The following ST6GAL1 variants were observed in gnomAD, a reference collection of about 807,000 sequenced individuals.
The protein encoded by ST6GAL1 is ST6 beta-galactoside alpha-2,6-sialyltransferase 1, also known as beta-galactoside alpha-2,6-sialyltransferase 1.
A neutral mutation model predicts 38.0 loss-of-function variants in ST6GAL1; 20 were observed. The ratio of observed to expected loss-of-function variants is 0.53; its 90% CI spans 0.37 to 0.77. The LOEUF (loss-of-function observed/expected upper bound fraction) is 0.77. Among genes scored for constraint, ST6GAL1 ranks in the 30% least tolerant of loss-of-function variants. The pLI is 0.00. For missense variants in ST6GAL1, 432 were observed against 496.4 expected, an observed-to-expected ratio of 0.87 and a Z score of 1.23; for synonymous variants, 196 against 188.2, an observed-to-expected ratio of 1.04 and a Z score of -0.34.
intron 2 of ST6GAL1, among the ~76,000 whole-genome samples, chr3:186,979,107 A>G (rs1240773432): frequency 6.6e-6 from 1 of 151,920 alleles, no homozygotes; most frequent in Non-Finnish European, 1.5e-5. Context: ...TTTCTGTATC[A>G]TCTGTATTTG....
chr3:186,947,268 G>A (rs967258562), intron 1 of ST6GAL1, among the ~76,000 whole-genome samples: 2 of 152,200 alleles, frequency 1.3e-5, no homozygotes, highest in African/African-American at 2.4e-5. Context: ...TTAAGGGTGA[G>A]AGATCTGTGC....
intron 1 of ST6GAL1, among the ~76,000 whole-genome samples, chr3:186,954,923 G>A (rs938684888): frequency 6.6e-6 from 1 of 152,072 alleles, no homozygotes; most frequent in Non-Finnish European, 1.5e-5. Flanking sequence ...TGTCCTGAAT[G>A]GTATTGCCTA....
Position 186,968,933 on chromosome 3 carries a change from A to AC in ST6GAL1, c.-183+5008dup, listed in dbSNP as rs199976125. On this transcript the variant is annotated intron_variant, in intron 2 of 7. Transcript: ENST00000169298. The stretch of plus-strand genomic sequence containing the variant: ...AAGCTGCCAAACTGTTGCCTAGAGC[A>AC]CGGGTACCATTTTATATCACCACCA... Among the ~76,000 whole-genome samples, 1,387 of 152,306 alleles carry AC rather than the reference A, an allele frequency of 9.1e-3. 6 individuals are homozygous for AC. The highest frequency in any genetic ancestry group is 0.013 in the Non-Finnish European group (893 of 68,030).
At chr3:187,016,725 C>G (rs977305968) in intron 2 of ST6GAL1, among the ~76,000 whole-genome samples, 1 of 152,218 alleles carries the variant, frequency 6.6e-6, no homozygotes, top group African/African-American at 2.4e-5. Flanking sequence ...GAACCAGCCC[C>G]TGCCTCCCAG....
chr3:186,933,876 C>T (rs1713847800), intron 1 of ST6GAL1, among the ~76,000 whole-genome samples: 1 of 152,198 alleles, frequency 6.6e-6, no homozygotes, highest in Non-Finnish European at 1.5e-5. Context: ...GGTTATTAAG[C>T]AAAGCCAGGG....
chr3:186,945,477 G>T (rs779505980), intron 1 of ST6GAL1, among the ~76,000 whole-genome samples: 15 of 152,114 alleles, frequency 9.9e-5, no homozygotes, highest in Non-Finnish European at 1.9e-4. Flanking sequence ...CCCACTTGAG[G>T]AAGAAAAAGA....
chr3:186,967,223 G>T (rs1457445747), intron 2 of ST6GAL1, among the ~76,000 whole-genome samples: 1 of 152,158 alleles, frequency 6.6e-6, no homozygotes, highest in Non-Finnish European at 1.5e-5. Context: ...ACGGTGTCTT[G>T]CTCTGTTGCC....
chr3:186,935,768 T>C (rs887755218), intron 1 of ST6GAL1, among the ~76,000 whole-genome samples: 1 of 152,142 alleles, frequency 6.6e-6, no homozygotes, highest in African/African-American at 2.4e-5. Flanking sequence ...GGTAAGCTCA[T>C]GTGCTCAGAT....
At chr3:186,996,385 G>A (rs1716406359) in intron 2 of ST6GAL1, among the ~76,000 whole-genome samples, 1 of 152,212 alleles carries the variant, frequency 6.6e-6, no homozygotes, top group Admixed American at 6.5e-5. Context: ...TGATGGCATA[G>A]CTTTGTGCTT....
chr3:186,968,461 A>G (rs1715227717), intron 2 of ST6GAL1, among the ~76,000 whole-genome samples: 1 of 152,146 alleles, frequency 6.6e-6, no homozygotes, highest in African/African-American at 2.4e-5. Context: ...CCCCACAATT[A>G]AGCTAATGAA....
chr3:187,050,622 AAGAG>A (rs1312707956), intron 4 of ST6GAL1, among the ~76,000 whole-genome samples: 1 of 151,670 alleles, frequency 6.6e-6, no homozygotes, highest in Non-Finnish European at 1.5e-5. Flanking sequence ...AAGGAAGGAA[AAGAG>A]AGAGAGGAAG....
At chr3:187,064,556 G>C (rs1268360935) in intron 5 of ST6GAL1, 11 of 456,598 alleles carry the variant, frequency 2.4e-5, no homozygotes, top group Non-Finnish European at 4.4e-6. Context: ...TGCGAGGAAG[G>C]TGGCCCACTT....
rs565646437 is a variant in ST6GAL1, at chr3:186,982,513, C to T, written c.-183+18587C>T. 5.3e-5 allele frequency among the ~76,000 whole-genome samples: 8 copies of T among 152,110 alleles called. No homozygotes were observed. The East Asian group carries it at 5.8e-4, about 11-fold the overall frequency. On this transcript the variant is annotated intron_variant, in intron 2 of 7. Transcript: ENST00000169298. ...CAGGAATTTGACTACTTTTGAGGAG[C>T]GATGACAACTGAGTACAGGAAGTGA...
chr3:187,042,547 A>C, intron 3 of ST6GAL1, 107 bp from the exon 4 acceptor site: 2 of 1,088,232 alleles, frequency 1.8e-6, no homozygotes, highest in Non-Finnish European at 2.6e-6. Context: ...CAGGGCTGGA[A>C]TTCAAGTCAC....
chr3:187,017,729 G>T (rs544457899), intron 2 of ST6GAL1, among the ~76,000 whole-genome samples: 1 of 152,304 alleles, frequency 6.6e-6, no homozygotes, highest in South Asian at 2.1e-4. Context: ...AGGAACACTG[G>T]CTCAGACTTC....
chr3:186,969,612 A>G (rs896176051), intron 2 of ST6GAL1, among the ~76,000 whole-genome samples: 4 of 152,220 alleles, frequency 2.6e-5, no homozygotes, highest in Admixed American at 1.3e-4. Context: ...TTGTTCTCCA[A>G]TTCTGTGGCT....
intron 2 of ST6GAL1, among the ~76,000 whole-genome samples, chr3:186,999,045 A>T (rs915800898): frequency 1.3e-5 from 2 of 152,266 alleles, no homozygotes; most frequent in Non-Finnish European, 2.9e-5. Flanking sequence ...CCAGCCGACC[A>T]GGAAGGGGGC....
intron 2 of ST6GAL1, among the ~76,000 whole-genome samples, chr3:186,998,930 A>T (rs1716512904): frequency 6.6e-6 from 1 of 152,220 alleles, no homozygotes; most frequent in African/African-American, 2.4e-5. Context: ...ATGGTTGAGG[A>T]AATGAAGCCC....
At chr3:187,032,045 C>T (rs978194493) in intron 2 of ST6GAL1, among the ~76,000 whole-genome samples, 22 of 152,182 alleles carry the variant, frequency 1.4e-4, no homozygotes, top group Non-Finnish European at 4.4e-5. Context: ...TCTGTTATCA[C>T]TTCTACAGCT....
Sources: allele counts gnomAD v4.1 joint callset (sites outside exome capture counted in the v4.1 genomes callset), GRCh38; gene constraint gnomAD v4.1.1; transcripts MANE v1.5; gene names NCBI Gene and HGNC (gene_info 2026-07-23, HGNC 2026-07-21).